The following TSR1 variants were observed in gnomAD, a reference collection of about 807,000 sequenced individuals.
TSR1 encodes the protein pre-rRNA-processing protein TSR1 homolog.
In TSR1, 81 loss-of-function variants were observed where a neutral mutation model predicts 90.9. That is an observed-to-expected ratio of 0.89 (90% CI 0.74 to 1.07). The LOEUF is 1.07. TSR1 is among the 50% of genes least tolerant of loss of function. TSR1 has a pLI of 0.00. For synonymous variants in TSR1, 362 were observed against 348.8 expected (o/e 1.04, Z -0.42); for missense variants, 989 against 987.3 (o/e 1.00, Z -0.02).
intron 2 of TSR1, 32 bp from the exon 3 acceptor site, chr17:2,335,762 A>T (rs2064061374): frequency 6.3e-7 from 1 of 1,598,644 alleles, no homozygotes; most frequent in Admixed American, 1.7e-5. Context: ...AGAACATCTC[A>T]GTGTCTCAGT....
At chr17:2,324,660 C>T in intron 13 of TSR1, 29 bp downstream of exon 13, 1 of 1,613,930 alleles carries the variant, frequency 6.2e-7, no homozygotes, top group Non-Finnish European at 8.5e-7. Context: ...CAAAGGCAAT[C>T]AGATCCCATC....
At chr17:2,335,872 A>AGG (rs1427095868) in intron 2 of TSR1, 142 bp from the exon 3 acceptor site, 1 of 1,260,672 alleles carries the variant, frequency 7.9e-7, no homozygotes, top group Non-Finnish European at 1.1e-6. Flanking sequence ...GCGGGGTGGC[A>AGG]GGAATTCTGA....
In TSR1 at chr17:2,323,165, T is replaced by C. The variant is rs2075548128; in HGVS notation, c.*1031A>G. 1 of 1,614,116 alleles carries C rather than the reference T, an allele frequency of 6.2e-7. No homozygotes were observed. The highest frequency in any genetic ancestry group is 1.3e-5 in the African/African-American group (1 of 74,948). ...TGAAACCTAGTGTGAAGGTATATGC[T>C]GCTGAACCCTCAAATGCAGATGACT... On this transcript the variant is annotated 3_prime_UTR_variant, in exon 15 of 15. Coordinates refer to ENST00000301364, the MANE Select transcript of TSR1 (RefSeq NM_018128.5).
intron 7 of TSR1, 84 bp downstream of exon 7, chr17:2,332,877 A>G (rs889154952): frequency 4.5e-6 from 6 of 1,323,218 alleles, no homozygotes; most frequent in Non-Finnish European, 6.2e-6. Flanking sequence ...GAAACTAACC[A>G]CACACACCCA....
In TSR1 at chr17:2,332,209, C is replaced by T. The variant is rs745640561; in HGVS notation, c.1456G>A (p.Asp486Asn). Residue 486 changes from aspartate (D) to asparagine (N), a missense_variant, in exon 8 of 15, where the codon GAT becomes AAT. Physicochemically the swap from Asp to Asn is conservative, Grantham distance 23 (BLOSUM62 1). Transcript: ENST00000301364. Reference sequence around the variant, plus strand: ...ACATCACGGGGCGTGTCCACTTCATCTGGAAACATCTCTTCCAGTCTTTCT... The same window carrying T: ...ACATCACGGGGCGTGTCCACTTCATTTGGAAACATCTCTTCCAGTCTTTCT... The part of the protein sequence containing the change: ...KQERLEEMFP[D>N]EVDTPRDVAA... 3.3e-5 allele frequency: 53 copies of T among 1,613,860 alleles called. No homozygotes were observed. Among genetic ancestry groups the T allele is most frequent in the Non-Finnish European group, 4.3e-5 (51 of 1,179,978 alleles).
Position 2,323,337 on chromosome 17 carries a change from G to T in TSR1, c.*859C>A, listed in dbSNP as rs138106032. The T allele has an allele frequency of 4.3e-6, 7 of 1,613,850 alleles. No individual in the cohort carries two copies. The highest frequency in any genetic ancestry group is 4.0e-5 in the African/African-American group (3 of 74,914). ...TGATATCTTCACTGTCACAGAGGAT[G>T]AAATTAAGGTGAGGCTCCAGCAAGA... On this transcript the variant is annotated 3_prime_UTR_variant, in exon 15 of 15. Coordinates refer to ENST00000301364, the MANE Select transcript of TSR1 (RefSeq NM_018128.5).
intron 11 of TSR1, among the ~76,000 whole-genome samples, chr17:2,326,992 C>A (rs1036151142): frequency 2.0e-5 from 3 of 152,054 alleles, no homozygotes; most frequent in East Asian, 1.9e-4. Context: ...GTAATCCCAG[C>A]TGCTTGGGAG....
chr17:2,328,623 C>CA lies in TSR1; in HGVS notation c.1903+719dup, dbSNP rs1052779098. 5.0e-4 allele frequency among the ~76,000 whole-genome samples: 72 copies of CA among 143,586 alleles called. 1 individual carries two copies. Among genetic ancestry groups the CA allele is most frequent in the African/African-American group, 1.8e-3 (69 of 38,466 alleles). The allele number at this position is 143,586 out of a possible 152,430, so 94.2% of individuals were successfully genotyped here. A position where few individuals can be genotyped will look rare whatever the true frequency, so the allele number is the denominator to read the frequency against. ...AAACAAACAAACAAACAAAAAAAAA[C>CA]AAAAAAAACAAGAGGGGGCGCGGTG... On this transcript the variant is annotated intron_variant, in intron 11 of 14. Coordinates refer to ENST00000301364, the MANE Select transcript of TSR1 (RefSeq NM_018128.5).
rs1440320138 is a variant in TSR1, at chr17:2,324,327, G to C, written c.2284C>G (p.Gln762Glu). 2 of 1,565,986 alleles carry C rather than the reference G, an allele frequency of 1.3e-6. No individual in the cohort carries two copies. Among genetic ancestry groups the C allele is most frequent in the Non-Finnish European group, 1.7e-6 (2 of 1,159,480 alleles). The change falls in exon 15 of 15, where the codon CAA (glutamine) becomes GAA (glutamate). Residue 762 changes from glutamine to glutamate, a missense_variant. By Grantham distance (29) the Gln-to-Glu change is conservative. Coordinates refer to ENST00000301364, the MANE Select transcript of TSR1 (RefSeq NM_018128.5). ...TACAGGTTCATCAGTACTGTGTCTTGAGATTTTAGCTTCCCATCAAAGCTG... is the reference window on the plus strand; with the variant it reads ...TACAGGTTCATCAGTACTGTGTCTTCAGATTTTAGCTTCCCATCAAAGCTG... ...KCSFDGKLKS[Q>E]DTVLMNLYKR...
At chr17:2,331,237 C>G in intron 8 of TSR1, 128 bp from the exon 9 acceptor site, 1 of 750,538 alleles carries the variant, frequency 1.3e-6, no homozygotes. Flanking sequence ...CCAAACAACC[C>G]AACAGCTTAA....
Position 2,322,406 on chromosome 17 carries a change from C to G in TSR1, c.*1790G>C, listed in dbSNP as rs1176881406. 1.3e-5 allele frequency: 2 copies of G among 152,232 alleles called. No homozygotes were observed. The highest frequency in any genetic ancestry group is 3.8e-4 in the East Asian group (2 of 5,208). 9.4% of individuals were successfully genotyped at this position (152,232 alleles called of 1,614,324 possible). A position where few individuals can be genotyped will look rare whatever the true frequency, so the allele number is the denominator to read the frequency against. ...CAGGCAATGGAAGGCTAGTATCAGA[C>G]ATATAATTTATTTATAAAGTGCTTG... On this transcript the variant is annotated 3_prime_UTR_variant, in exon 15 of 15. Transcript: ENST00000301364.
chr17:2,334,950 C>A, intron 4 of TSR1, 54 bp from the exon 5 acceptor site: 1 of 1,544,594 alleles, frequency 6.5e-7, no homozygotes, highest in Non-Finnish European at 8.7e-7. Flanking sequence ...ACATAAAAAT[C>A]CCTCTGCAGT....
chr17:2,327,107 C>CA lies in TSR1; in HGVS notation c.1904-1688dup, dbSNP rs561239602. ...GCAACAAGAGTGAAACTCCATCTCC[C>CA]AAAAAAAAAAATTTTTTTTTCGTAG... On this transcript the variant is annotated intron_variant, in intron 11 of 14. Transcript: ENST00000301364. Among the ~76,000 whole-genome samples, 484 of 143,204 alleles carry CA rather than the reference C, an allele frequency of 3.4e-3. 3 individuals carry two copies. Among genetic ancestry groups the CA allele is most frequent in the Middle Eastern group, 0.032 (8 of 248 alleles). The allele number at this position is 143,204 out of a possible 152,430, so 93.9% of individuals were successfully genotyped here. A position where few individuals can be genotyped will look rare whatever the true frequency, so the allele number is the denominator to read the frequency against.
In TSR1 at chr17:2,334,646, C is replaced by A; in HGVS notation, c.807G>T (p.Val269=). 6.2e-7 allele frequency: 1 copy of A among 1,600,208 alleles called. No individual in the cohort carries two copies. The highest frequency in any genetic ancestry group is 8.6e-7 in the Non-Finnish European group (1 of 1,167,874). The change falls in exon 5 of 15, where the codon GTG becomes GTT. Residue 269 remains valine (V), a synonymous_variant. Coordinates refer to ENST00000301364, the MANE Select transcript of TSR1 (RefSeq NM_018128.5). ...CATAGCCTGAAATTTTCAAGGTGCC[C>A]ACCAAGTTATTCTCTTCACTAGGAA... The part of the protein sequence containing the change: ...DFVPSEENNL[V]GTLKISGYVR...
In TSR1 at chr17:2,336,438, G is replaced by C. The variant is rs2064086598; in HGVS notation, c.-11C>G. ...GCGGTGGGCCGCCATGCCGCAGCGC[G>C]CGTGTACGGAGTCAGCACTGCTTCC... On this transcript the variant is annotated 5_prime_UTR_variant, in exon 1 of 15. Coordinates refer to ENST00000301364, the MANE Select transcript of TSR1 (RefSeq NM_018128.5). 9 of 1,608,172 alleles carry C rather than the reference G, an allele frequency of 5.6e-6. No individual in the cohort carries two copies. The highest frequency in any genetic ancestry group is 7.6e-6 in the Non-Finnish European group (9 of 1,179,558).
Position 2,332,309 on chromosome 17 carries a change from C to T in TSR1, c.1356G>A (p.Glu452=), listed in dbSNP as rs780761506. ...TATCATACAGATCATCATGCACAGACTCCCCAATAGTCATAGTTTCATATT... is the reference window on the plus strand; with the variant it reads ...TATCATACAGATCATCATGCACAGATTCCCCAATAGTCATAGTTTCATATT... ...EEEYETMTIG[E]SVHDDLYDKK... The change falls in exon 8 of 15, where the codon GAG becomes GAA. Residue 452 remains glutamate, a synonymous_variant. Transcript: ENST00000301364. 6.2e-7 allele frequency: 1 copy of T among 1,613,118 alleles called. No individual in the cohort carries two copies. Among genetic ancestry groups the T allele is most frequent in the East Asian group, 2.2e-5 (1 of 44,870 alleles).
chr17:2,336,314 C>T lies in TSR1; in HGVS notation c.97+17G>A. On this transcript the variant is annotated intron_variant, in intron 1 of 14. Coordinates refer to ENST00000301364, the MANE Select transcript of TSR1 (RefSeq NM_018128.5). ...AACGGCCAAATAGCCCTTATTCCTT[C>T]TACGTTATCTCCTTACCCTTGCCGT... The T allele has an allele frequency of 6.2e-7, 1 of 1,614,216 alleles. No homozygotes were observed. The highest frequency in any genetic ancestry group is 1.1e-5 in the South Asian group (1 of 91,084).
In TSR1 at chr17:2,336,437, C is replaced by T; in HGVS notation, c.-10G>A. 1 of 1,608,414 alleles carries T rather than the reference C, an allele frequency of 6.2e-7. No homozygotes were observed. The highest frequency in any genetic ancestry group is 8.5e-7 in the Non-Finnish European group (1 of 1,179,514). On this transcript the variant is annotated 5_prime_UTR_variant, in exon 1 of 15. Transcript: ENST00000301364. Reference sequence around the variant, plus strand: ...GGCGGTGGGCCGCCATGCCGCAGCGCGCGTGTACGGAGTCAGCACTGCTTC... The same window carrying T: ...GGCGGTGGGCCGCCATGCCGCAGCGTGCGTGTACGGAGTCAGCACTGCTTC...
chr17:2,336,180 A>G, intron 1 of TSR1, 40 bp from the exon 2 acceptor site: 1 of 1,605,012 alleles, frequency 6.2e-7, no homozygotes, highest in South Asian at 1.1e-5. Flanking sequence ...GATCGGCCCC[A>G]CAAGGTCAAG....
Sources: allele counts gnomAD v4.1 joint callset (sites outside exome capture counted in the v4.1 genomes callset), GRCh38; gene constraint gnomAD v4.1.1; transcripts MANE v1.5; gene names NCBI Gene and HGNC (gene_info 2026-07-23, HGNC 2026-07-21).